The following HS3ST4 variants were observed in gnomAD, a reference collection of about 807,000 sequenced individuals.
HS3ST4 encodes the protein heparan sulfate glucosamine 3-O-sulfotransferase 4.
In HS3ST4, 17 loss-of-function variants were observed where a neutral mutation model predicts 29.2. That is an observed-to-expected ratio of 0.58 (90% CI 0.40 to 0.87). The LOEUF (loss-of-function observed/expected upper bound fraction) is 0.87, where lower values mean the gene tolerates loss of function less well. HS3ST4 is among the 40% of genes least tolerant of loss of function. The probability of loss-of-function intolerance (pLI) is 0.00; values close to 1 mark genes in which losing one functional copy is unlikely to be tolerated. For missense variants in HS3ST4, 627 were observed against 634.5 expected (o/e 0.99, Z 0.13); for synonymous variants, 314 against 285.7 (o/e 1.10, Z -1.00).
intron 1 of HS3ST4, among the ~76,000 whole-genome samples, chr16:25,987,378 A>G (rs928086359): frequency 6.6e-6 from 1 of 152,116 alleles, no homozygotes; most frequent in Non-Finnish European, 1.5e-5. Flanking sequence ...ACTTCTAATA[A>G]TTTTTACTAT....
intron 1 of HS3ST4, among the ~76,000 whole-genome samples, chr16:25,949,874 C>T (rs954464449): frequency 1.3e-5 from 2 of 152,040 alleles, no homozygotes; most frequent in Non-Finnish European, 2.9e-5. Flanking sequence ...GGACAGAGCC[C>T]CAAGGGAAGC....
chr16:25,984,848 A>G (rs1242418737), intron 1 of HS3ST4, among the ~76,000 whole-genome samples: 1 of 152,156 alleles, frequency 6.6e-6, no homozygotes, highest in Admixed American at 6.5e-5. Flanking sequence ...TCTTGATCCA[A>G]GGGAGACATG....
rs1378679027 is a variant in HS3ST4 at position 25,982,668 on chromosome 16, A to AT, written c.735-152935dup. On this transcript the variant is annotated intron_variant, in intron 1 of 1. Transcript: ENST00000331351. The stretch of plus-strand genomic sequence containing the variant: ...CATAGTGAGACCACATCTCTACGAA[A>AT]TTTTTTTTTAAACCGGTAGGGTATG... Among the ~76,000 whole-genome samples the AT allele has an allele frequency of 5.9e-5, 9 of 151,850 alleles. No homozygotes were observed. The South Asian group carries it at 1.5e-3, about 25-fold the overall frequency.
chr16:25,814,528 G>C (rs1363117616), intron 1 of HS3ST4, among the ~76,000 whole-genome samples: 1 of 152,136 alleles, frequency 6.6e-6, no homozygotes, highest in Admixed American at 6.5e-5. Flanking sequence ...TCTATCTTTA[G>C]TAGAGACGGA....
chr16:26,100,012 TCTTA>T (rs1019153967), intron 1 of HS3ST4, among the ~76,000 whole-genome samples: 8 of 152,162 alleles, frequency 5.3e-5, no homozygotes, highest in African/African-American at 1.7e-4. Flanking sequence ...TCTTCTCATC[TCTTA>T]CTTATCTAAT....
chr16:25,699,685 C>T (rs1189533232), intron 1 of HS3ST4, among the ~76,000 whole-genome samples: 1 of 152,192 alleles, frequency 6.6e-6, no homozygotes, highest in Non-Finnish European at 1.5e-5. Context: ...TTCCAGAACA[C>T]ATTTCTGTAT....
At position 25,944,952 on chromosome 16, in the gene HS3ST4, C is replaced by T. The variant is rs142239026; in HGVS notation, c.735-190660C>T. Among the ~76,000 whole-genome samples the T allele has an allele frequency of 5.9e-3, 899 of 152,268 alleles. 8 individuals carry two copies. The highest frequency in any genetic ancestry group is 8.9e-3 in the Non-Finnish European group (608 of 68,016). On this transcript the variant is annotated intron_variant, in intron 1 of 1. Transcript: ENST00000331351. ...TACTCATTCATGCTTATTTGAACAA[C>T]TCGACTTTAAAAAATTCTTTTAATT...
intron 1 of HS3ST4, among the ~76,000 whole-genome samples, chr16:25,964,475 T>C (rs1212229349): frequency 6.6e-6 from 1 of 152,212 alleles, no homozygotes; most frequent in Non-Finnish European, 1.5e-5. Flanking sequence ...TGTGAGATAC[T>C]TGATGTGTTT....
intron 1 of HS3ST4, among the ~76,000 whole-genome samples, chr16:26,010,223 G>T (rs1183716793): frequency 6.6e-6 from 1 of 152,198 alleles, no homozygotes; most frequent in Non-Finnish European, 1.5e-5. Flanking sequence ...GGAGGCCAAG[G>T]AGGGTGGATC....
At chr16:25,941,913 A>G (rs912335269) in intron 1 of HS3ST4, among the ~76,000 whole-genome samples, 7 of 152,194 alleles carry the variant, frequency 4.6e-5, no homozygotes, top group African/African-American at 9.7e-5. Flanking sequence ...CTAGAATAGA[A>G]TTCTGTGTGG....
At chr16:25,889,673 T>A (rs1486115522) in intron 1 of HS3ST4, among the ~76,000 whole-genome samples, 1 of 152,144 alleles carries the variant, frequency 6.6e-6, no homozygotes, top group African/African-American at 2.4e-5. Flanking sequence ...ATAGCAACAT[T>A]AGTAATGGTC....
At chr16:25,844,125 A>G (rs1169689103) in intron 1 of HS3ST4, among the ~76,000 whole-genome samples, 1 of 152,246 alleles carries the variant, frequency 6.6e-6, no homozygotes, top group African/African-American at 2.4e-5. Flanking sequence ...TTATTAAACA[A>G]TAAAATAAAA....
intron 1 of HS3ST4, among the ~76,000 whole-genome samples, chr16:26,127,198 C>G (rs984473761): frequency 6.6e-5 from 10 of 152,200 alleles, no homozygotes; most frequent in African/African-American, 2.4e-4. Context: ...TCCTTAAGCT[C>G]AGCAATCGAC....
Position 25,692,715 on chromosome 16 carries a change from C to A in HS3ST4, c.298C>A (p.Pro100Thr). ...RLGAPSQPPA[P>T]PPLDNASHGE... ...CGGCGCCCCCTCGCAGCCGCCCGCG[C>A]CGCCGCCGCTGGACAACGCGAGCCA... is the stretch of plus-strand genomic sequence containing the variant. Residue 100 changes from proline (P) to threonine (T), a missense_variant, in exon 1 of 2, where the codon CCG (proline) becomes ACG (threonine). Coordinates refer to ENST00000331351, the MANE Select transcript of HS3ST4 (RefSeq NM_006040.3). The A allele has an allele frequency of 8.1e-7, 1 of 1,234,582 alleles. No individual in the cohort carries two copies. Among genetic ancestry groups the A allele is most frequent in the South Asian group, 3.4e-5 (1 of 29,064 alleles). The allele number at this position is 1,234,582 out of a possible 1,614,324, so 76.5% of individuals were successfully genotyped here.
chr16:26,044,235 C>T (rs553270213), intron 1 of HS3ST4, among the ~76,000 whole-genome samples: 3 of 152,310 alleles, frequency 2.0e-5, no homozygotes, highest in African/African-American at 7.2e-5. Flanking sequence ...AATCTTTCAT[C>T]AGAGCTGTTA....
At chr16:25,901,006 A>T (rs114895029) in intron 1 of HS3ST4, among the ~76,000 whole-genome samples, 119 of 152,286 alleles carry the variant, frequency 7.8e-4, no homozygotes, top group African/African-American at 2.8e-3. Context: ...AGTCAAGACC[A>T]TGGAACCCCT....
intron 1 of HS3ST4, among the ~76,000 whole-genome samples, chr16:26,111,391 CTT>C (rs34710649): frequency 0.1 from 15,214 of 147,006 alleles, 942 homozygotes; most frequent in Admixed American, 0.18. Flanking sequence ...AGAAGGAGGT[CTT>C]TTTTTTTTTT....
chr16:25,893,001 G>C (rs898632816), intron 1 of HS3ST4, among the ~76,000 whole-genome samples: 5 of 152,216 alleles, frequency 3.3e-5, no homozygotes, highest in African/African-American at 9.6e-5. Flanking sequence ...AGGGAATACA[G>C]AGTGAGAGCA....
intron 1 of HS3ST4, among the ~76,000 whole-genome samples, chr16:26,096,953 A>G (rs1898933102): frequency 6.6e-6 from 1 of 152,222 alleles, no homozygotes; most frequent in South Asian, 2.1e-4. Context: ...ACAAACAGAG[A>G]GCCAAATCAT....
Sources: gnomAD v4.1 joint callset for allele counts (sites outside exome capture counted in the v4.1 genomes callset) on GRCh38, gnomAD v4.1.1 for gene constraint, MANE v1.5 for transcripts, NCBI Gene and HGNC (gene_info 2026-07-23, HGNC 2026-07-21) for gene names.